ACBD6: variants seen among roughly 807,000 people sequenced by gnomAD.
The protein encoded by ACBD6 is acyl-CoA-binding domain-containing protein 6.
Under a neutral mutation model 37.2 loss-of-function variants are expected in ACBD6, and 28 were observed. The ratio of observed to expected loss-of-function variants is 0.75; its 90% CI spans 0.56 to 1.03. ACBD6 has a LOEUF of 1.03. ACBD6 is among the 50% of genes least tolerant of loss of function. The probability of loss-of-function intolerance (pLI) is 0.00; values close to 1 mark genes in which losing one functional copy is unlikely to be tolerated. For synonymous variants in ACBD6, 113 were observed against 126.8 expected, an observed-to-expected ratio of 0.89 and a Z score of 0.73; for missense variants, 340 against 337.4, an observed-to-expected ratio of 1.01 and a Z score of -0.06.
chr1:180,443,079 T>C (rs1365792587), intron 3 of ACBD6, among the ~76,000 whole-genome samples: 2 of 152,228 alleles, frequency 1.3e-5, no homozygotes, highest in African/African-American at 2.4e-5. Flanking sequence ...TCTTGCTTGC[T>C]GGATTTTGTT....
intron 3 of ACBD6, among the ~76,000 whole-genome samples, chr1:180,459,170 T>C (rs1183154581): frequency 6.6e-6 from 1 of 152,186 alleles, no homozygotes; most frequent in African/African-American, 2.4e-5. Context: ...ACTTAAAATA[T>C]TCCCGTTATT....
At chr1:180,320,652 A>G (rs1025438659) in intron 6 of ACBD6, among the ~76,000 whole-genome samples, 2 of 151,994 alleles carry the variant, frequency 1.3e-5, no homozygotes, top group Non-Finnish European at 2.9e-5. Flanking sequence ...AAATAAAAAT[A>G]AAAAAAATGA....
At chr1:180,466,906 G>C (rs1650368910) in intron 3 of ACBD6, among the ~76,000 whole-genome samples, 1 of 151,938 alleles carries the variant, frequency 6.6e-6, no homozygotes, top group South Asian at 2.1e-4. Flanking sequence ...CCAGTTTAAG[G>C]TAAACCCATA....
chr1:180,363,685 TAAGCAGGAGCAGGAGCAG>T (rs67854823), intron 6 of ACBD6, among the ~76,000 whole-genome samples: 132,606 of 151,978 alleles, frequency 0.87, 58,627 homozygotes, highest in East Asian at 0.98. Context: ...CCAATCAGAG[TAAGCAGGAGCAGGAGCAG>T]GAGCAGGAGC....
intron 2 of ACBD6, 119 bp downstream of exon 2, chr1:180,495,342 T>G: frequency 1.4e-6 from 1 of 723,522 alleles, no homozygotes. Flanking sequence ...ATTAGTACAA[T>G]CTACAGCAGA....
chr1:180,435,493 C>T (rs1648997825), intron 3 of ACBD6: 7 of 562,082 alleles, frequency 1.2e-5, no homozygotes, highest in South Asian at 4.1e-5. Flanking sequence ...CCTCGTGATC[C>T]GCCCGCCTTG....
chr1:180,453,184 C>T (rs1250765998), intron 3 of ACBD6, among the ~76,000 whole-genome samples: 2 of 152,168 alleles, frequency 1.3e-5, no homozygotes, highest in African/African-American at 2.4e-5. Context: ...ACTAGCAAAT[C>T]GAATCCAGCA....
intron 6 of ACBD6, among the ~76,000 whole-genome samples, chr1:180,394,386 G>A (rs1654183991): frequency 6.8e-6 from 1 of 147,834 alleles, no homozygotes; most frequent in South Asian, 2.1e-4. Context: ...CATCACATCT[G>A]GCCAGTTTTT....
chr1:180,380,042 C>G (rs1409521330), intron 6 of ACBD6, among the ~76,000 whole-genome samples: 1 of 152,136 alleles, frequency 6.6e-6, no homozygotes, highest in Non-Finnish European at 1.5e-5. Flanking sequence ...AGGAGGATCA[C>G]TTGAACCCAG....
chr1:180,476,442 C>G (rs973312097), intron 3 of ACBD6, among the ~76,000 whole-genome samples: 2 of 151,924 alleles, frequency 1.3e-5, no homozygotes, highest in African/African-American at 4.8e-5. Flanking sequence ...AGGTTTTTGC[C>G]TATGCACACA....
Position 180,436,266 on chromosome 1 carries a change from G to C in ACBD6, c.385-6004C>G, listed in dbSNP as rs529097441. 2.6e-5 allele frequency among the ~76,000 whole-genome samples: 4 copies of C among 152,282 alleles called. No individual in the cohort carries two copies. In the East Asian group the frequency reaches 5.8e-4, roughly 22 times the overall value. On this transcript the variant is annotated intron_variant, in intron 3 of 7. Transcript: ENST00000367595. ...CTTTGTAAATTCATATTGAGTAAATGAAAGAAATTGTGATTTCCTGAGAAT... is the reference window on the plus strand; with the variant it reads ...CTTTGTAAATTCATATTGAGTAAATCAAAGAAATTGTGATTTCCTGAGAAT...
chr1:180,285,161 C>T (rs73046418), downstream of ACBD6, among the ~76,000 whole-genome samples: 3,020 of 152,076 alleles, frequency 0.02, 113 homozygotes, highest in Admixed American at 0.052. Flanking sequence ...ACCCAAAAAA[C>T]GGCGTAACTG....
At chr1:180,322,250 G>A (rs1304946757) in intron 6 of ACBD6, among the ~76,000 whole-genome samples, 1 of 151,932 alleles carries the variant, frequency 6.6e-6, no homozygotes, top group Non-Finnish European at 1.5e-5. Context: ...ATGTATCATT[G>A]AATTTAGTTT....
intron 6 of ACBD6, among the ~76,000 whole-genome samples, chr1:180,393,546 T>C (rs1197131519): frequency 6.6e-6 from 1 of 152,176 alleles, no homozygotes; most frequent in Non-Finnish European, 1.5e-5. Flanking sequence ...TCAATAATAA[T>C]GTTGTTTAAG....
chr1:180,416,242 C>T (rs548806689), intron 4 of ACBD6, among the ~76,000 whole-genome samples: 45 of 152,180 alleles, frequency 3.0e-4, no homozygotes, highest in Middle Eastern at 3.4e-3. Flanking sequence ...CAATATCATT[C>T]CATATTTCCT....
chr1:180,318,165 C>T (rs1007234494), intron 6 of ACBD6, among the ~76,000 whole-genome samples: 2 of 72,192 alleles, frequency 2.8e-5, no homozygotes, highest in Non-Finnish European at 5.3e-5. Flanking sequence ...CCATCTCCGC[C>T]CCCCCCCCCC....
At chr1:180,271,404 G>A (rs1274548296) in exon 14 of ACBD6, 2 of 1,614,156 alleles carry the variant, frequency 1.2e-6, no homozygotes, top group Non-Finnish European at 1.7e-6. Context: ...GGAGCTAAGC[G>A]GCCCCGGACC....
chr1:180,299,811 A>G (rs1320190552), intron 7 of ACBD6, among the ~76,000 whole-genome samples: 2 of 152,160 alleles, frequency 1.3e-5, no homozygotes, highest in Admixed American at 6.6e-5. Flanking sequence ...CAGGCCATTT[A>G]TAAGTAAGAC....
At chr1:180,352,959 G>T (rs1283135010) in intron 6 of ACBD6, among the ~76,000 whole-genome samples, 2 of 152,118 alleles carry the variant, frequency 1.3e-5, no homozygotes, top group African/African-American at 4.8e-5. Flanking sequence ...TTTTTATTAC[G>T]ACTTATAGCA....
Sources: allele counts gnomAD v4.1 joint callset (sites outside exome capture counted in the v4.1 genomes callset), GRCh38; gene constraint gnomAD v4.1.1; transcripts MANE v1.5; gene names NCBI Gene and HGNC (gene_info 2026-07-23, HGNC 2026-07-21).